The following FDFT1 variants were observed in gnomAD, a reference collection of about 807,000 sequenced individuals.
FDFT1 encodes the protein farnesyl-diphosphate farnesyltransferase 1, also known as squalene synthase.
FDFT1 carries 68 observed loss-of-function variants against 46.8 expected under a neutral mutation model. That is an observed-to-expected ratio of 1.45 (90% CI 1.19 to 1.78). The LOEUF is 1.78. Ranked by LOEUF, FDFT1 falls within the 40% of genes most tolerant of loss-of-function variation. FDFT1 has a pLI of 0.00. For missense variants in FDFT1, 928 were observed against 524.4 expected (o/e 1.77, Z -7.52); for synonymous variants, 351 against 185.1 (o/e 1.90, Z -7.28).
intron 5 of FDFT1, among the ~76,000 whole-genome samples, chr8:11,828,258 A>G: frequency 6.6e-6 from 1 of 152,168 alleles, no homozygotes; most frequent in Admixed American, 6.5e-5. Flanking sequence ...ACTGCATTCT[A>G]GCAGCCTGGG....
Position 11,838,453 on chromosome 8 carries a change from C to T in FDFT1, c.1098C>T (p.Ile366=), listed in dbSNP as rs146404720. 1,993 of 1,608,782 alleles carry T rather than the reference C, an allele frequency of 1.2e-3. 4 individuals are homozygous for T. The highest frequency in any genetic ancestry group is 1.6e-3 in the Non-Finnish European group (1,834 of 1,176,966). Residue 366 remains isoleucine, a synonymous_variant, in exon 8 of 8, where the codon ATC becomes ATT. Coordinates refer to ENST00000220584, the MANE Select transcript of FDFT1 (RefSeq NM_004462.5). ...SSKTRQIIST[I]RTQNLPNCQL... is the part of the protein sequence containing the mutation. ...AAACAAGGCAGATCATCTCCACCAT[C>T]CGGACGCAGAATCTTCCCAACTGTC...
intron 6 of FDFT1, among the ~76,000 whole-genome samples, chr8:11,831,248 T>C (rs1288343837): frequency 2.6e-5 from 4 of 152,250 alleles, no homozygotes; most frequent in African/African-American, 7.2e-5. Context: ...TACTTGTGTT[T>C]GCTTTTTCCA....
intron 5 of FDFT1, among the ~76,000 whole-genome samples, chr8:11,829,695 C>T (rs1009869164): frequency 2.6e-5 from 4 of 152,128 alleles, no homozygotes; most frequent in African/African-American, 7.2e-5. Flanking sequence ...GGGACATGCT[C>T]CCCAATACGT....
intron 3 of FDFT1, among the ~76,000 whole-genome samples, chr8:11,818,030 A>C (rs571570616): frequency 5.6e-4 from 86 of 152,266 alleles, no homozygotes; most frequent in African/African-American, 2.0e-3. Flanking sequence ...ACACTGCTTT[A>C]AATGTGTCCC....
chr8:11,813,992 A>G (rs1349147335), intron 3 of FDFT1, among the ~76,000 whole-genome samples: 3 of 152,192 alleles, frequency 2.0e-5, no homozygotes, highest in Admixed American at 6.5e-5. Flanking sequence ...GAACTGTACA[A>G]TTACGTAATA....
chr8:11,800,032 A>AGGGTG (rs61070765), upstream of FDFT1, among the ~76,000 whole-genome samples: 46,612 of 150,090 alleles, frequency 0.31, 8,157 homozygotes, highest in Middle Eastern at 0.44. Flanking sequence ...GAGGCCGAGG[A>AGGGTG]GGGTGGATCA....
chr8:11,818,771 G>A (rs911581721), intron 3 of FDFT1, among the ~76,000 whole-genome samples: 1 of 152,024 alleles, frequency 6.6e-6, no homozygotes, highest in Non-Finnish European at 1.5e-5. Flanking sequence ...CGGGTCTCCT[G>A]AATACAGCAC....
At chr8:11,825,691 A>AT (rs919765772) in intron 4 of FDFT1, among the ~76,000 whole-genome samples, 5 of 151,364 alleles carry the variant, frequency 3.3e-5, no homozygotes, top group Non-Finnish European at 7.4e-5. Context: ...CATCTCAAAA[A>AT]AAAAATAAAA....
chr8:11,837,704 C>T (rs1268775578), intron 7 of FDFT1, among the ~76,000 whole-genome samples: 1 of 152,038 alleles, frequency 6.6e-6, no homozygotes, highest in Non-Finnish European at 1.5e-5. Context: ...GGTTTGAGAT[C>T]TCCTTGGTGA....
At chr8:11,808,705 C>A in intron 1 of FDFT1, 89 bp from the exon 2 acceptor site, 1 of 1,448,788 alleles carries the variant, frequency 6.9e-7, no homozygotes, top group Non-Finnish European at 9.1e-7. Context: ...AGCCGCCTGC[C>A]CCAGTCCCAC....
rs1809807197 is a variant in FDFT1 at position 11,825,295 on chromosome 8, A to C, written c.511-729A>C. ...GGTGTCTTGGGCTGGTAATCCCAGC[A>C]CTTTGGGAGGCCAAGGCTGGCAGAT... On this transcript the variant is annotated intron_variant, in intron 4 of 7. Coordinates refer to ENST00000220584, the MANE Select transcript of FDFT1 (RefSeq NM_004462.5). Among the ~76,000 whole-genome samples the C allele has an allele frequency of 1.3e-5, 2 of 152,098 alleles. 1 individual carries two copies. The highest frequency in any genetic ancestry group is 4.1e-4 in the South Asian group (2 of 4,828).
intron 3 of FDFT1, among the ~76,000 whole-genome samples, chr8:11,820,530 G>A (rs565219600): frequency 6.6e-6 from 1 of 152,326 alleles, no homozygotes; most frequent in South Asian, 2.1e-4. Flanking sequence ...TTGCTGCTTT[G>A]TTTACACTGT....
At chr8:11,833,470 T>C (rs546819817) in intron 7 of FDFT1, among the ~76,000 whole-genome samples, 57 of 152,374 alleles carry the variant, frequency 3.7e-4, no homozygotes, top group African/African-American at 1.3e-3. Context: ...GAGAGTGTTT[T>C]GGTTTTGCAG....
Position 11,836,117 on chromosome 8 carries a change from C to T in FDFT1, c.1033-2271C>T, listed in dbSNP as rs1233263694. ...GCAGTGAGCCAAGATTGCACCACTG[C>T]ACTCTAGCCTGGGTGACAGAGCGAG... is the stretch of plus-strand genomic sequence containing the variant. On this transcript the variant is annotated intron_variant, in intron 7 of 7. Transcript: ENST00000220584. Among the ~76,000 whole-genome samples, 4 of 150,656 alleles carry T rather than the reference C, an allele frequency of 2.7e-5. No homozygotes were observed. In the East Asian group the frequency reaches 5.8e-4, roughly 22 times the overall value.
chr8:11,810,933 T>TAAAAAAAAAAAAAAAAAAAAAA (rs71539744), intron 3 of FDFT1, among the ~76,000 whole-genome samples: 2 of 89,448 alleles, frequency 2.2e-5, no homozygotes, highest in Non-Finnish European at 4.3e-5. Context: ...GAGCAATATT[T>TAAAAAAAAAAAAAAAAAAAAAA]AAAAAAAAAA....
At chr8:11,826,496 T>C (rs1810016991) in intron 5 of FDFT1, among the ~76,000 whole-genome samples, 1 of 152,170 alleles carries the variant, frequency 6.6e-6, no homozygotes, top group African/African-American at 2.4e-5. Context: ...CCATGTGCAC[T>C]AGCTTAACAA....
chr8:11,808,302 C>T (rs1259001985), intron 1 of FDFT1: 9 of 1,225,496 alleles, frequency 7.3e-6, no homozygotes, highest in Non-Finnish European at 8.1e-6. Context: ...GTTCCCTTAG[C>T]GGCCAGTGGG....
intron 7 of FDFT1, among the ~76,000 whole-genome samples, chr8:11,835,520 C>G (rs1054936097): frequency 6.6e-6 from 1 of 152,162 alleles, no homozygotes; most frequent in South Asian, 2.1e-4. Context: ...CCTTACTTAT[C>G]TCCTGGAAGG....
Position 11,809,813 on chromosome 8 carries a change from A to C in FDFT1, c.344A>C (p.Lys115Thr). 1 of 1,614,094 alleles carries C rather than the reference A, an allele frequency of 6.2e-7. No homozygotes were observed. The highest frequency in any genetic ancestry group is 8.5e-7 in the Non-Finnish European group (1 of 1,179,982). ...CCAGACTGGCGGTTCATGGAGAGCAAGGAGAAGGATCGCCAGGTGCTGGAG... is the reference window on the plus strand; with the variant it reads ...CCAGACTGGCGGTTCATGGAGAGCACGGAGAAGGATCGCCAGGTGCTGGAG... The part of the protein sequence containing the change: ...YQPDWRFMES[K>T]EKDRQVLEDF... The change falls in exon 3 of 8, where the codon AAG (lysine) becomes ACG (threonine). Residue 115 changes from lysine to threonine, a missense_variant. By Grantham distance (78) the Lys-to-Thr change is moderately conservative. Transcript: ENST00000220584.
Sources: gnomAD v4.1 joint callset for allele counts (sites outside exome capture counted in the v4.1 genomes callset) on GRCh38, gnomAD v4.1.1 for gene constraint, MANE v1.5 for transcripts, NCBI Gene and HGNC (gene_info 2026-07-23, HGNC 2026-07-21) for gene names.